Variants in CPSF3 observed in about 807,000 individuals in gnomAD.
CPSF3 encodes the protein cleavage and polyadenylation specific factor 3, also known as cleavage and polyadenylation specificity factor subunit 3.
CPSF3 carries 57 observed loss-of-function variants against 84.1 expected under a neutral mutation model. The observed-to-expected ratio is 0.68, with a 90% confidence interval of 0.55 to 0.85. CPSF3 has a LOEUF of 0.85. CPSF3 is among the 40% of genes least tolerant of loss of function. The probability of loss-of-function intolerance (pLI) is 0.00; values close to 1 mark genes in which losing one functional copy is unlikely to be tolerated. For synonymous variants in CPSF3, 275 were observed against 278.1 expected, an observed-to-expected ratio of 0.99 and a Z score of 0.11; for missense variants, 522 against 838.8, an observed-to-expected ratio of 0.62 and a Z score of 4.66.
chr2:9,430,041 A>G (rs367897975), intron 3 of CPSF3, 21 bp downstream of exon 3: 34 of 1,362,654 alleles, frequency 2.5e-5, no homozygotes, highest in Non-Finnish European at 3.3e-5. Context: ...CCCTTTATTA[A>G]TGACACTTTT....
At chr2:9,427,579 C>G (rs1680436140) in intron 1 of CPSF3, among the ~76,000 whole-genome samples, 1 of 152,152 alleles carries the variant, frequency 6.6e-6, no homozygotes, top group African/African-American at 2.4e-5. Flanking sequence ...TATGGCGGCT[C>G]TCATCCACAG....
chr2:9,447,238 G>A (rs141213755), intron 10 of CPSF3, among the ~76,000 whole-genome samples: 80 of 152,350 alleles, frequency 5.3e-4, no homozygotes, highest in African/African-American at 1.9e-3. Context: ...CTAGCATTTT[G>A]GGAGGCCAAG....
chr2:9,437,874 C>T lies in CPSF3; in HGVS notation c.760+1513C>T, dbSNP rs150900608. ...AGAATTAGCTGGACGTGGTGATACACGCCTGTTGTCCCAGCTACCTGGGAG... is the reference window on the plus strand; with the variant it reads ...AGAATTAGCTGGACGTGGTGATACATGCCTGTTGTCCCAGCTACCTGGGAG... On this transcript the variant is annotated intron_variant, in intron 7 of 17. Coordinates refer to ENST00000238112, the MANE Select transcript of CPSF3 (RefSeq NM_016207.4). Among the ~76,000 whole-genome samples the T allele has an allele frequency of 2.0e-5, 3 of 152,302 alleles. No individual in the cohort carries two copies. The East Asian group carries it at 5.8e-4, about 29-fold the overall frequency.
Position 9,436,365 on chromosome 2 carries a change from T to A in CPSF3, c.760+4T>A. Reference sequence around the variant, plus strand: ...CAGGAGCTGCTCTTGATTCTAGGTATGCCATTTCCTTTGTATTTAGGCGAT... The same window carrying A: ...CAGGAGCTGCTCTTGATTCTAGGTAAGCCATTTCCTTTGTATTTAGGCGAT... On this transcript the variant is annotated splice_donor_region_variant and intron_variant, in intron 7 of 17. Coordinates refer to ENST00000238112, the MANE Select transcript of CPSF3 (RefSeq NM_016207.4). 1 of 1,599,044 alleles carries A rather than the reference T, an allele frequency of 6.3e-7. No individual in the cohort carries two copies. The highest frequency in any genetic ancestry group is 8.5e-7 in the Non-Finnish European group (1 of 1,175,288).
At chr2:9,444,449 C>T (rs1050340017) in intron 10 of CPSF3, among the ~76,000 whole-genome samples, 3 of 151,140 alleles carry the variant, frequency 2.0e-5, no homozygotes, top group East Asian at 3.9e-4. Context: ...TTTTAAGTAT[C>T]GTGTAACTTA....
intron 10 of CPSF3, among the ~76,000 whole-genome samples, chr2:9,446,929 C>T (rs1681146619): frequency 6.6e-6 from 1 of 152,010 alleles, no homozygotes; most frequent in Non-Finnish European, 1.5e-5. Flanking sequence ...AAAGACTGCC[C>T]AGAAGTTTGA....
At position 9,459,618 on chromosome 2, in the gene CPSF3, G is replaced by C; in HGVS notation, c.1786G>C (p.Gly596Arg). 4 of 938,396 alleles carry C rather than the reference G, an allele frequency of 4.3e-6. No homozygotes were observed. The highest frequency in any genetic ancestry group is 6.4e-6 in the Non-Finnish European group (4 of 622,802). 58.1% of individuals were successfully genotyped at this position (938,396 alleles called of 1,614,324 possible). The part of the protein sequence containing the change: ...EVQSNPKIRK[G>R]AVQKVSKKLE... ...TCAGTCAAATCCCAAAATAAGAAAA[G>C]GTAAGAGTTCATTTTTATCCTTTTT... The change falls in exon 15 of 18, where the codon GGT (glycine) becomes CGT (arginine). Residue 596 changes from glycine (G) to arginine (R), a missense_variant and splice_region_variant. Transcript: ENST00000238112.
intron 1 of CPSF3, among the ~76,000 whole-genome samples, chr2:9,426,798 T>A (rs1017184384): frequency 6.6e-6 from 1 of 150,800 alleles, no homozygotes; most frequent in Admixed American, 6.6e-5. Context: ...TTCCAGCTAC[T>A]TGGGAGGCTG....
intron 15 of CPSF3, 85 bp downstream of exon 15, chr2:9,459,703 G>T: frequency 1.6e-5 from 10 of 619,076 alleles, no homozygotes; most frequent in South Asian, 1.6e-4. Flanking sequence ...AGGCTGGAGT[G>T]CAGTGGCACG....
chr2:9,456,919 T>C lies in CPSF3; in HGVS notation c.1604-14T>C, dbSNP rs758873244. On this transcript the variant is annotated splice_polypyrimidine_tract_variant and intron_variant, in intron 13 of 17. Transcript: ENST00000238112. ...GAAAAGTATATACATCTTATAGTTA[T>C]GTCTTTCTTTCAGGTGATGTGGAAG... 1.4e-6 allele frequency: 2 copies of C among 1,475,124 alleles called. No homozygotes were observed. Among genetic ancestry groups the C allele is most frequent in the Non-Finnish European group, 1.9e-6 (2 of 1,066,426 alleles). 91.4% of individuals were successfully genotyped at this position (1,475,124 alleles called of 1,614,324 possible).
At chr2:9,452,036 A>C (rs1031746285) in intron 11 of CPSF3, among the ~76,000 whole-genome samples, 3 of 152,168 alleles carry the variant, frequency 2.0e-5, no homozygotes, top group South Asian at 4.1e-4. Context: ...CTTTTTAAAA[A>C]TGAATAGTGG....
At chr2:9,433,788 T>C (rs911826448) in intron 5 of CPSF3, 83 bp from the exon 6 acceptor site, 4 of 897,426 alleles carry the variant, frequency 4.5e-6, no homozygotes, top group African/African-American at 1.7e-5. Context: ...AACTGCACTT[T>C]TGGATTTCAT....
intron 15 of CPSF3, among the ~76,000 whole-genome samples, chr2:9,466,390 GCGCACACA>G (rs1681975645): frequency 1.3e-5 from 1 of 75,702 alleles, no homozygotes; most frequent in Non-Finnish European, 3.9e-5. Flanking sequence ...TCGCACACAC[GCGCACACA>G]CACGCACGCG....
rs1445793021 is a variant in CPSF3, at chr2:9,468,875, CTT to C, written c.1856+1100_1856+1101del. On this transcript the variant is annotated intron_variant, in intron 16 of 17. Coordinates refer to ENST00000238112, the MANE Select transcript of CPSF3 (RefSeq NM_016207.4). ...ACTCCTGACCTCATGAGCCACCTGC[CTT>C]GGTCTCCCAAAGTGCTGGGATTAGA... is the stretch of plus-strand genomic sequence containing the variant. Among the ~76,000 whole-genome samples, 337 of 152,240 alleles carry C rather than the reference CTT, an allele frequency of 2.2e-3. No homozygotes were observed. The Middle Eastern group carries it at 0.024, about 11-fold the overall frequency.
chr2:9,426,472 G>C (rs1025324235), intron 1 of CPSF3, among the ~76,000 whole-genome samples: 3 of 152,216 alleles, frequency 2.0e-5, no homozygotes, highest in Admixed American at 6.5e-5. Flanking sequence ...GAGATACCTA[G>C]TGTCACGTGT....
intron 4 of CPSF3, 49 bp from the exon 5 acceptor site, chr2:9,432,462 T>TA: frequency 6.6e-6 from 9 of 1,358,790 alleles, no homozygotes; most frequent in Non-Finnish European, 8.7e-6. Context: ...AAAGGCTTTT[T>TA]AAAAAATCTG....
At chr2:9,444,999 G>A (rs1233976078) in intron 10 of CPSF3, among the ~76,000 whole-genome samples, 1 of 152,054 alleles carries the variant, frequency 6.6e-6, no homozygotes, top group Non-Finnish European at 1.5e-5. Flanking sequence ...TTTTACTGTG[G>A]TAAAATATCT....
At chr2:9,457,602 T>C (rs1488552203) in intron 14 of CPSF3, among the ~76,000 whole-genome samples, 1 of 152,144 alleles carries the variant, frequency 6.6e-6, no homozygotes, top group Non-Finnish European at 1.5e-5. Context: ...TTTTGATAGA[T>C]TGGCACCTAT....
chr2:9,440,153 C>T (rs1680923147), intron 7 of CPSF3, among the ~76,000 whole-genome samples: 1 of 151,956 alleles, frequency 6.6e-6, no homozygotes. Context: ...TTTTCTAATA[C>T]ATTTAAATAA....
Sources: gnomAD v4.1 joint callset for allele counts (sites outside exome capture counted in the v4.1 genomes callset) on GRCh38, gnomAD v4.1.1 for gene constraint, MANE v1.5 for transcripts, NCBI Gene and HGNC (gene_info 2026-07-23, HGNC 2026-07-21) for gene names.